CAST: variants seen among roughly 807,000 people sequenced by gnomAD.
The protein encoded by CAST is MIR583 host.
A neutral mutation model predicts 119.6 loss-of-function variants in CAST; 76 were observed. The observed-to-expected ratio is 0.64, with a 90% CI of 0.53 to 0.77. CAST has a LOEUF of 0.77. Ranked by LOEUF, CAST falls within the 30% of genes least tolerant of loss-of-function variation. The probability of loss-of-function intolerance (pLI) is 0.00; values close to 1 mark genes in which losing one functional copy is unlikely to be tolerated. For missense variants in CAST, 953 were observed against 946.5 expected (o/e 1.01, Z -0.09); for synonymous variants, 319 against 331.6 (o/e 0.96, Z 0.41).
intron 1 of CAST, among the ~76,000 whole-genome samples, chr5:96,586,474 C>T (rs1253009218): frequency 1.3e-5 from 2 of 152,098 alleles, no homozygotes; most frequent in Non-Finnish European, 2.9e-5. Flanking sequence ...ATAGTTATAG[C>T]CACAAGACAG....
chr5:96,434,625 G>GCTT, the CAST span, among the ~76,000 whole-genome samples: 1 of 149,260 alleles, frequency 6.7e-6, no homozygotes, highest in African/African-American at 2.5e-5. Flanking sequence ...TTTTGTTGTT[G>GCTT]TTGTTGTTGT....
chr5:96,373,234 A>C, the CAST span, among the ~76,000 whole-genome samples: 1 of 152,204 alleles, frequency 6.6e-6, no homozygotes, highest in Non-Finnish European at 1.5e-5. Context: ...AAAAGCAATT[A>C]AGGCCTCAGG....
At chr5:95,998,873 GT>G in the CAST span, among the ~76,000 whole-genome samples, 1 of 152,096 alleles carries the variant, frequency 6.6e-6, no homozygotes, top group Non-Finnish European at 1.5e-5. Flanking sequence ...CACCAACAGT[GT>G]GTAAACATTC....
chr5:96,464,648 A>T, the CAST span, among the ~76,000 whole-genome samples: 452 of 152,242 alleles, frequency 3.0e-3, 2 homozygotes, highest in Non-Finnish European at 4.5e-3. Flanking sequence ...GAAAGAGGGA[A>T]TCATTTTTAA....
In CAST at chr5:96,696,014, G is replaced by GT. The variant is rs557510891; in HGVS notation, c.210+113dup. ...AAACAGTGTCCAGATATCACTGAAG[G>GT]TTTTTTAACAAAGTATCATTTCTGT... On this transcript the variant is annotated intron_variant, in intron 3 of 31. Transcript: ENST00000675179. The GT allele has an allele frequency of 8.0e-4, 452 of 563,050 alleles. 3 individuals are homozygous for GT. Among genetic ancestry groups the GT allele is most frequent in the Non-Finnish European group, 1.0e-3 (329 of 318,268 alleles). 34.9% of individuals were successfully genotyped at this position (563,050 alleles called of 1,614,324 possible).
chr5:96,128,210 AT>A, the CAST span, among the ~76,000 whole-genome samples: 3 of 152,122 alleles, frequency 2.0e-5, no homozygotes, highest in Non-Finnish European at 4.4e-5. Flanking sequence ...GTATTTGAGC[AT>A]TTAGCAGGTT....
the CAST span, among the ~76,000 whole-genome samples, chr5:96,511,246 G>A: frequency 1.3e-5 from 2 of 152,222 alleles, no homozygotes; most frequent in African/African-American, 4.8e-5. Flanking sequence ...CCGGGTTCAA[G>A]TGATTCTCCT....
At chr5:96,612,134 C>T (rs1225603590) in intron 1 of CAST, among the ~76,000 whole-genome samples, 8 of 152,156 alleles carry the variant, frequency 5.3e-5, no homozygotes, top group African/African-American at 1.9e-4. Flanking sequence ...TAAAGCTATT[C>T]CTGTACTTGT....
At chr5:96,425,259 T>A in the CAST span, among the ~76,000 whole-genome samples, 1 of 152,132 alleles carries the variant, frequency 6.6e-6, no homozygotes, top group Admixed American at 6.5e-5. Context: ...ACCCTGCAGG[T>A]AGACAGCAAC....
the CAST span, among the ~76,000 whole-genome samples, chr5:96,028,766 A>C: frequency 6.6e-6 from 1 of 152,114 alleles, no homozygotes; most frequent in African/African-American, 2.4e-5. Flanking sequence ...ATAATAAAAA[A>C]GCTGACGTTA....
chr5:96,767,694 T>C (rs933540519), intron 28 of CAST, among the ~76,000 whole-genome samples: 12 of 152,204 alleles, frequency 7.9e-5, no homozygotes, highest in African/African-American at 2.9e-4. Context: ...CAGAGAATGC[T>C]AAGCAACGTG....
At chr5:96,127,332 CTG>C in the CAST span, among the ~76,000 whole-genome samples, 2 of 152,044 alleles carry the variant, frequency 1.3e-5, no homozygotes, top group African/African-American at 4.8e-5. Flanking sequence ...TTGTTGTTCA[CTG>C]TATTTTATTT....
At chr5:96,448,976 T>C in the CAST span, among the ~76,000 whole-genome samples, 1 of 152,206 alleles carries the variant, frequency 6.6e-6, no homozygotes, top group African/African-American at 2.4e-5. Context: ...CTAGGCTTAT[T>C]ATGAAAAACA....
In CAST at chr5:96,617,183, T is replaced by A. The variant is rs560220197; in HGVS notation, c.61-58356T>A. ...TGATTTTCAACTATCTCTAAATCAC[T>A]GACTGCTCTGAGAATGTAGTAAAAG... On this transcript the variant is annotated intron_variant, in intron 1 of 11. Transcript: ENST00000505143. 5.9e-5 allele frequency among the ~76,000 whole-genome samples: 9 copies of A among 152,180 alleles called. No individual in the cohort carries two copies. The South Asian group carries it at 1.9e-3, about 32-fold the overall frequency.
chr5:96,533,561 A>C (rs1007148265), intron 1 of CAST, among the ~76,000 whole-genome samples: 6 of 152,212 alleles, frequency 3.9e-5, no homozygotes, highest in Non-Finnish European at 7.3e-5. Context: ...AATGGTGGCC[A>C]AAACTGCTGA....
At chr5:96,771,759 G>T (rs1295551993) in intron 31 of CAST, 57 bp downstream of exon 31, 2 of 1,092,326 alleles carry the variant, frequency 1.8e-6, no homozygotes, top group African/African-American at 3.1e-5. Context: ...CAATTTATGT[G>T]TTATAGATGA....
chr5:96,713,939 C>A lies in CAST; in HGVS notation c.211-8700C>A, dbSNP rs75386474. Among the ~76,000 whole-genome samples, 10 of 152,202 alleles carry A rather than the reference C, an allele frequency of 6.6e-5. No individual in the cohort carries two copies. In the East Asian group the frequency reaches 1.9e-3, roughly 29 times the overall value. ...ACAGTGAGCCAAGGTCATGCTACTG[C>A]ACTCCAGCTAGGTGACAGAGCAATA... On this transcript the variant is annotated intron_variant, in intron 3 of 31. Transcript: ENST00000675179.
chr5:96,654,504 C>T (rs543718680), intron 1 of CAST, among the ~76,000 whole-genome samples: 1 of 152,266 alleles, frequency 6.6e-6, no homozygotes, highest in South Asian at 2.1e-4. Context: ...ACAAAGCACT[C>T]TCTTTTTCTC....
chr5:96,234,638 G>A, the CAST span, among the ~76,000 whole-genome samples: 1 of 152,166 alleles, frequency 6.6e-6, no homozygotes, highest in African/African-American at 2.4e-5. Context: ...CATGACAGCT[G>A]TTCCATTTCT....
Sources: gnomAD v4.1 joint callset for allele counts (sites outside exome capture counted in the v4.1 genomes callset) on GRCh38, gnomAD v4.1.1 for gene constraint, MANE v1.5 for transcripts, NCBI Gene and HGNC (gene_info 2026-07-23, HGNC 2026-07-21) for gene names.